The following MYL9 variants were observed in gnomAD, a reference collection of about 807,000 sequenced individuals.
The protein encoded by MYL9 is myosin light chain 9.
In MYL9, 7 loss-of-function variants were observed where a neutral mutation model predicts 12.8. The observed-to-expected ratio is 0.55, with a 90% confidence interval of 0.31 to 1.03. The LOEUF (loss-of-function observed/expected upper bound fraction) is 1.03. MYL9 is among the 50% of genes least tolerant of loss of function. The probability of loss-of-function intolerance (pLI) is 0.05; values close to 1 mark genes in which losing one functional copy is unlikely to be tolerated. For synonymous variants in MYL9, 81 were observed against 87.8 expected (o/e 0.92, Z 0.43); for missense variants, 190 against 242.7 (o/e 0.78, Z 1.44).
intron 2 of MYL9, among the ~76,000 whole-genome samples, chr20:36,545,483 C>A (rs1416918056): frequency 1.4e-5 from 2 of 139,158 alleles, no homozygotes; most frequent in Admixed American, 1.5e-4. Context: ...GGCAACAGAG[C>A]GAGACTCCAT....
At chr20:36,543,494 C>T (rs1307751414) in intron 1 of MYL9, among the ~76,000 whole-genome samples, 1 of 152,208 alleles carries the variant, frequency 6.6e-6, no homozygotes, top group Non-Finnish European at 1.5e-5. Context: ...CCTGGAACCT[C>T]AGCCAGGCCC....
intron 2 of MYL9, 106 bp from the exon 3 acceptor site, chr20:36,547,926 C>T (rs2038119612): frequency 2.2e-6 from 3 of 1,334,566 alleles, no homozygotes; most frequent in Non-Finnish European, 3.0e-6. Flanking sequence ...TACCTCCCGT[C>T]TCACACGGAG....
Position 36,542,545 on chromosome 20 carries a change from G to A in MYL9, c.-27+984G>A, listed in dbSNP as rs893945667. 1.4e-4 allele frequency among the ~76,000 whole-genome samples: 22 copies of A among 152,138 alleles called. 1 individual carries two copies. The highest frequency in any genetic ancestry group is 1.2e-4 in the Non-Finnish European group (8 of 68,020). On this transcript the variant is annotated intron_variant, in intron 1 of 3. Coordinates refer to ENST00000279022, the MANE Select transcript of MYL9 (RefSeq NM_006097.5). ...CCTCGCCCCTCCACCAGTTCTAGAA[G>A]GCGCCTCTGGATACACAGAGCCCTT... is the stretch of plus-strand genomic sequence containing the variant.
At chr20:36,545,607 T>G (rs2038088860) in intron 2 of MYL9, among the ~76,000 whole-genome samples, 1 of 151,638 alleles carries the variant, frequency 6.6e-6, no homozygotes, top group Admixed American at 6.6e-5. Context: ...ATTTGTGCAC[T>G]GGGCTGCCAG....
At chr20:36,543,992 G>C (rs1301976793) in intron 1 of MYL9, among the ~76,000 whole-genome samples, 1 of 152,148 alleles carries the variant, frequency 6.6e-6, no homozygotes, top group Non-Finnish European at 1.5e-5. Flanking sequence ...CAGGATGAGG[G>C]ACCCAGACTT....
rs149871402 is a variant in MYL9 at position 36,545,273 on chromosome 20, G to A, written c.184+205G>A. The stretch of plus-strand genomic sequence containing the variant: ...AGCACTTTGGGAGGCCAAGGCGGGC[G>A]GATCAATAGGTCAGGAGATCGAGAC... On this transcript the variant is annotated intron_variant, in intron 2 of 3. Transcript: ENST00000279022. 2.3e-3 allele frequency among the ~76,000 whole-genome samples: 347 copies of A among 152,172 alleles called. 1 individual carries two copies. The East Asian group carries it at 0.023, about 10-fold the overall frequency.
rs557885180 is a variant in MYL9 at position 36,541,822 on chromosome 20, G to A, written c.-27+261G>A. On this transcript the variant is annotated intron_variant, in intron 1 of 3. Coordinates refer to ENST00000279022, the MANE Select transcript of MYL9 (RefSeq NM_006097.5). ...GAGAAGCAGTGGTCCTGCGGCAAGG[G>A]AAGGCCATCGTCCAGGCCCTGCCCC... Among the ~76,000 whole-genome samples, 5 of 152,336 alleles carry A rather than the reference G, an allele frequency of 3.3e-5. No homozygotes were observed. The South Asian group carries it at 1.0e-3, about 32-fold the overall frequency.
intron 1 of MYL9, among the ~76,000 whole-genome samples, chr20:36,543,954 G>A (rs1329929690): frequency 6.6e-6 from 1 of 152,182 alleles, no homozygotes; most frequent in Non-Finnish European, 1.5e-5. Flanking sequence ...AGAGAGGCCA[G>A]GAGGGACTCA....
At chr20:36,547,509 G>A (rs2038115180) in intron 2 of MYL9, among the ~76,000 whole-genome samples, 1 of 152,152 alleles carries the variant, frequency 6.6e-6, no homozygotes, top group Admixed American at 6.5e-5. Context: ...GGAAAACCAA[G>A]GTGCACAGCT....
intron 3 of MYL9, among the ~76,000 whole-genome samples, 179 bp downstream of exon 3, chr20:36,548,372 G>A (rs2038127990): frequency 6.6e-6 from 1 of 152,176 alleles, no homozygotes; most frequent in African/African-American, 2.4e-5. Context: ...AACAGCCCAT[G>A]CCCCAAGACT....
chr20:36,547,934 G>A (rs758792780), intron 2 of MYL9, 98 bp from the exon 3 acceptor site: 7 of 1,370,980 alleles, frequency 5.1e-6, no homozygotes, highest in Non-Finnish European at 3.9e-6. Flanking sequence ...GTCTCACACG[G>A]AGCGGTGAAG....
intron 1 of MYL9, among the ~76,000 whole-genome samples, chr20:36,543,226 C>T (rs1409420010): frequency 3.3e-5 from 5 of 152,202 alleles, no homozygotes; most frequent in Admixed American, 3.3e-4. Flanking sequence ...TGTGTCGGTC[C>T]GTGGGACACG....
chr20:36,545,802 G>A (rs1206534100), intron 2 of MYL9, among the ~76,000 whole-genome samples: 2 of 151,162 alleles, frequency 1.3e-5, no homozygotes, highest in Admixed American at 6.6e-5. Context: ...GGTGGCGGGC[G>A]CCAGCTACTC....
chr20:36,541,809 T>C (rs2147893319), intron 1 of MYL9, among the ~76,000 whole-genome samples: 1 of 152,252 alleles, frequency 6.6e-6, no homozygotes, highest in African/African-American at 2.4e-5. Context: ...GAAGCAGTGG[T>C]CCTGCGGCAA....
intron 1 of MYL9, among the ~76,000 whole-genome samples, chr20:36,542,894 C>T (rs1336109054): frequency 2.0e-5 from 3 of 152,182 alleles, no homozygotes; most frequent in Non-Finnish European, 4.4e-5. Flanking sequence ...GCCATGAAGG[C>T]AGAGGGGCCC....
intron 1 of MYL9, among the ~76,000 whole-genome samples, chr20:36,542,547 C>A (rs1002539911): frequency 6.6e-6 from 1 of 152,146 alleles, no homozygotes; most frequent in African/African-American, 2.4e-5. Flanking sequence ...TTCTAGAAGG[C>A]GCCTCTGGAT....
Position 36,544,972 on chromosome 20 carries a change from C to T in MYL9, c.88C>T (p.Gln30Ter). ...SNVFAMFDQS[Q>*]IQEFKEAFNM... ...TGTCTTCGCAATGTTTGACCAGTCC[C>T]AGATCCAGGAGTTTAAGGAGGCTTT... Residue 30 changes from glutamine (Q) to a stop codon, truncating the protein, a stop_gained, in exon 2 of 4, where the codon CAG becomes TAG. Transcript: ENST00000279022. LOFTEE classifies it high-confidence loss of function. 2 of 1,614,060 alleles carry T rather than the reference C, an allele frequency of 1.2e-6. No homozygotes were observed. Among genetic ancestry groups the T allele is most frequent in the Non-Finnish European group, 8.5e-7 (1 of 1,180,008 alleles).
rs62206096 is a variant in MYL9 at position 36,546,755 on chromosome 20, G to A, written c.185-1277G>A. Among the ~76,000 whole-genome samples, 1,119 of 152,138 alleles carry A rather than the reference G, an allele frequency of 7.4e-3. 11 individuals are homozygous for A. Among genetic ancestry groups the A allele is most frequent in the South Asian group, 0.019 (92 of 4,818 alleles). ...CTCCCCAGTAGCTGGGATTACAGAC[G>A]TGCGCCACCATGCCCGGCTAATTTT... On this transcript the variant is annotated intron_variant, in intron 2 of 3. Transcript: ENST00000279022.
chr20:36,547,468 C>T (rs993573926), intron 2 of MYL9, among the ~76,000 whole-genome samples: 1 of 152,218 alleles, frequency 6.6e-6, no homozygotes, highest in African/African-American at 2.4e-5. Flanking sequence ...CCTTTTGCAA[C>T]TACTGTCTTC....
Sources: allele counts gnomAD v4.1 joint callset (sites outside exome capture counted in the v4.1 genomes callset), GRCh38; gene constraint gnomAD v4.1.1; transcripts MANE v1.5; gene names NCBI Gene and HGNC (gene_info 2026-07-23, HGNC 2026-07-21).